TMEM132D: variants seen among roughly 807,000 people sequenced by gnomAD.
The protein encoded by TMEM132D is transmembrane protein 132D.
TMEM132D carries 21 observed loss-of-function variants against 62.3 expected under a neutral mutation model. The ratio of observed to expected loss-of-function variants is 0.34; its 90% CI spans 0.24 to 0.49. The LOEUF is 0.49. Ranked by LOEUF, TMEM132D falls within the 20% of genes least tolerant of loss-of-function variation. The probability of loss-of-function intolerance (pLI) is 0.99; values close to 1 mark genes in which losing one functional copy is unlikely to be tolerated. For synonymous variants in TMEM132D, 621 were observed against 575.6 expected, an observed-to-expected ratio of 1.08 and a Z score of -1.13; for missense variants, 1,346 against 1,402.8, an observed-to-expected ratio of 0.96 and a Z score of 0.65.
chr12:129,485,707 G>A (rs1273052113), intron 3 of TMEM132D, among the ~76,000 whole-genome samples: 1 of 152,232 alleles, frequency 6.6e-6, no homozygotes, highest in Non-Finnish European at 1.5e-5. Flanking sequence ...TGTGTGGCAA[G>A]GAGGTGAGGC....
chr12:129,443,263 T>G (rs908119383), intron 3 of TMEM132D, among the ~76,000 whole-genome samples: 1 of 152,104 alleles, frequency 6.6e-6, no homozygotes, highest in Non-Finnish European at 1.5e-5. Context: ...TGAAGACAAG[T>G]GTGTCTTTCA....
At chr12:129,806,731 A>G (rs1291280758) in intron 1 of TMEM132D, among the ~76,000 whole-genome samples, 1 of 152,114 alleles carries the variant, frequency 6.6e-6, no homozygotes. Flanking sequence ...ATAAAAAAAT[A>G]AAGTAATTAC....
intron 2 of TMEM132D, among the ~76,000 whole-genome samples, chr12:129,560,421 T>C (rs565708987): frequency 3.3e-5 from 5 of 151,672 alleles, no homozygotes; most frequent in Admixed American, 1.3e-4. Flanking sequence ...TGTGCACCAC[T>C]ACCACCCAGC....
chr12:129,077,835 CAAGCAACACAAAATACTG>C (rs1874323662), intron 8 of TMEM132D, among the ~76,000 whole-genome samples: 6 of 151,850 alleles, frequency 4.0e-5, no homozygotes, highest in Non-Finnish European at 7.4e-5. Flanking sequence ...CAACACAAAA[CAAGCAACACAAAATACTG>C]ACACAAGACA....
At chr12:129,597,872 T>C (rs1415421252) in intron 2 of TMEM132D, among the ~76,000 whole-genome samples, 2 of 152,054 alleles carry the variant, frequency 1.3e-5, no homozygotes, top group African/African-American at 4.8e-5. Context: ...GGGTCCTATA[T>C]TTAGAAGGGC....
chr12:129,706,156 G>A (rs1208732085), intron 1 of TMEM132D, among the ~76,000 whole-genome samples: 2 of 151,926 alleles, frequency 1.3e-5, no homozygotes, highest in African/African-American at 4.8e-5. Context: ...ATATATAAGT[G>A]GCTTAGATTA....
At chr12:129,355,717 G>A (rs1334381819) in intron 3 of TMEM132D, among the ~76,000 whole-genome samples, 2 of 152,172 alleles carry the variant, frequency 1.3e-5, no homozygotes, top group Non-Finnish European at 2.9e-5. Flanking sequence ...CCGTTCCCGT[G>A]TTCCTTCACA....
intron 2 of TMEM132D, among the ~76,000 whole-genome samples, chr12:129,609,573 GA>G (rs1310941907): frequency 6.6e-6 from 1 of 152,140 alleles, no homozygotes; most frequent in Non-Finnish European, 1.5e-5. Flanking sequence ...TCAAACCAGG[GA>G]AAGGGCTGGT....
At chr12:129,464,566 T>A (rs1873817200) in intron 3 of TMEM132D, among the ~76,000 whole-genome samples, 1 of 152,238 alleles carries the variant, frequency 6.6e-6, no homozygotes, top group African/African-American at 2.4e-5. Flanking sequence ...TCCTGAATAG[T>A]AATGCCTAGG....
intron 3 of TMEM132D, among the ~76,000 whole-genome samples, chr12:129,474,500 C>T (rs1209716679): frequency 6.6e-6 from 1 of 152,204 alleles, no homozygotes; most frequent in Non-Finnish European, 1.5e-5. Flanking sequence ...CACAACATCG[C>T]AGTCTGCAGG....
At chr12:129,210,178 C>T (rs994673262) in intron 4 of TMEM132D, 7 of 154,688 alleles carry the variant, frequency 4.5e-5, no homozygotes, top group African/African-American at 9.6e-5. Flanking sequence ...GTGGACATGA[C>T]GACGGTAGCT....
chr12:129,816,015 A>G (rs1174754644), intron 1 of TMEM132D, among the ~76,000 whole-genome samples: 1 of 152,130 alleles, frequency 6.6e-6, no homozygotes, highest in African/African-American at 2.4e-5. Flanking sequence ...TTCCTTGCCC[A>G]TGTTGTGTGG....
intron 3 of TMEM132D, among the ~76,000 whole-genome samples, chr12:129,341,633 C>T (rs1245495721): frequency 6.6e-6 from 1 of 152,186 alleles, no homozygotes; most frequent in Non-Finnish European, 1.5e-5. Context: ...TAAACAGACC[C>T]AGACTTGGGA....
At chr12:129,153,427 G>A (rs1049634146) in intron 5 of TMEM132D, among the ~76,000 whole-genome samples, 2 of 151,762 alleles carry the variant, frequency 1.3e-5, no homozygotes, top group African/African-American at 2.4e-5. Context: ...AGGTTTTGCC[G>A]TTTCCCCTGT....
intron 5 of TMEM132D, among the ~76,000 whole-genome samples, chr12:129,095,283 A>G (rs1565962384): frequency 6.6e-6 from 1 of 151,180 alleles, no homozygotes; most frequent in Non-Finnish European, 1.5e-5. Flanking sequence ...GGGTCTTTAT[A>G]GGGGTGCTTA....
intron 1 of TMEM132D, among the ~76,000 whole-genome samples, chr12:129,765,931 T>A (rs1870537880): frequency 6.6e-6 from 1 of 152,184 alleles, no homozygotes; most frequent in Non-Finnish European, 1.5e-5. Context: ...TGCTCACCAG[T>A]GTCTGCTTTC....
intron 4 of TMEM132D, among the ~76,000 whole-genome samples, chr12:129,255,308 G>GC (rs1880371592): frequency 6.6e-6 from 1 of 152,170 alleles, no homozygotes; most frequent in Non-Finnish European, 1.5e-5. Flanking sequence ...CATCAGGACT[G>GC]TTTTTGGGGC....
chr12:129,456,481 C>T lies in TMEM132D; in HGVS notation c.1115+74578G>A, dbSNP rs116830084. 5.4e-3 allele frequency among the ~76,000 whole-genome samples: 817 copies of T among 152,208 alleles called. 6 individuals carry two copies. Among genetic ancestry groups the T allele is most frequent in the African/African-American group, 0.019 (773 of 41,526 alleles). ...CCAAATATCTTCACTTCTTTCTTAC[C>T]GCTGACTTCCCAGTGTCTGCCAGAT... On this transcript the variant is annotated intron_variant, in intron 3 of 8. Transcript: ENST00000422113.
chr12:129,143,758 G>A (rs1876810573), intron 5 of TMEM132D, among the ~76,000 whole-genome samples: 1 of 152,128 alleles, frequency 6.6e-6, no homozygotes, highest in Non-Finnish European at 1.5e-5. Flanking sequence ...CCATTTTTGG[G>A]TTCTGAGTTC....
Sources: allele counts gnomAD v4.1 joint callset (sites outside exome capture counted in the v4.1 genomes callset), GRCh38; gene constraint gnomAD v4.1.1; transcripts MANE v1.5; gene names NCBI Gene and HGNC (gene_info 2026-07-23, HGNC 2026-07-21).